Variants in LIMA1 observed in about 807,000 individuals in gnomAD.
LIMA1 encodes the protein LIM domain and actin binding 1.
LIMA1 carries 52 observed loss-of-function variants against 62.6 expected under a neutral mutation model. The ratio of observed to expected loss-of-function variants is 0.83; its 90% CI spans 0.67 to 1.05. LIMA1 has a LOEUF of 1.05. Among genes scored for constraint, LIMA1 ranks in the 50% least tolerant of loss-of-function variants. The pLI is 0.00. For synonymous variants in LIMA1, 302 were observed against 317.8 expected (o/e 0.95, Z 0.53); for missense variants, 780 against 902.2 (o/e 0.86, Z 1.74).
intron 2 of LIMA1, among the ~76,000 whole-genome samples, chr12:50,240,415 G>T (rs1375234638): frequency 6.6e-6 from 1 of 152,188 alleles, no homozygotes; most frequent in Non-Finnish European, 1.5e-5. Context: ...GACTGGAGGG[G>T]CTGAGAATGG....
chr12:50,279,010 CTTTT>C (rs35710007), intron 1 of LIMA1, among the ~76,000 whole-genome samples: 1 of 137,614 alleles, frequency 7.3e-6, no homozygotes. Context: ...CTTTTCTTTT[CTTTT>C]TTTTTTTTTG....
chr12:50,182,663 G>A (rs1940531238), intron 9 of LIMA1, among the ~76,000 whole-genome samples: 1 of 152,166 alleles, frequency 6.6e-6, no homozygotes, highest in South Asian at 2.1e-4. Flanking sequence ...GGGAAGCATA[G>A]CCCATTAAAG....
intron 2 of LIMA1, 152 bp from the exon 3 acceptor site, chr12:50,231,862 G>A (rs1031562651): frequency 1.2e-5 from 8 of 674,784 alleles, no homozygotes; most frequent in Non-Finnish European, 2.0e-5. Flanking sequence ...CTACCTCCCG[G>A]GTTCGAGTGA....
chr12:50,209,128 G>T (rs531515657), intron 4 of LIMA1, among the ~76,000 whole-genome samples: 156 of 151,248 alleles, frequency 1.0e-3, no homozygotes, highest in South Asian at 3.4e-3. Context: ...CGGCCTGATT[G>T]GGTCTATTTT....
rs371709491 is a variant in LIMA1 at position 50,179,181 on chromosome 12, C to T, written c.1275-1112G>A. ...TTGTTTTGTTAGAGTCTCGCTCTGT[C>T]GCCAGGCTGGAGTGCAGTGGCATGA... On this transcript the variant is annotated intron_variant, in intron 10 of 10. Transcript: ENST00000341247. 3.7e-4 allele frequency among the ~76,000 whole-genome samples: 56 copies of T among 150,560 alleles called. No homozygotes were observed. The South Asian group carries it at 9.5e-3, about 26-fold the overall frequency.
intron 2 of LIMA1, among the ~76,000 whole-genome samples, chr12:50,242,547 G>C (rs1941793072): frequency 6.6e-6 from 1 of 152,108 alleles, no homozygotes; most frequent in African/African-American, 2.4e-5. Context: ...ATAAGGTAGA[G>C]GCATGCTGGC....
chr12:50,242,032 T>C (rs566753986), intron 2 of LIMA1, among the ~76,000 whole-genome samples: 1 of 130,208 alleles, frequency 7.7e-6, no homozygotes, highest in East Asian at 2.6e-4. Context: ...TCACTAATGC[T>C]CAGCTGTGGG....
Position 50,204,572 on chromosome 12 carries a change from T to G in LIMA1, c.844A>C (p.Ser282Arg). Residue 282 changes from serine (S) to arginine (R), a missense_variant, in exon 6 of 11, where the codon AGC becomes CGC. Ser to Arg is a moderately radical substitution (Grantham distance 110). Transcript: ENST00000341247. Reference protein sequence around the residue: ...AKYQAAVSKQSSSTNYTNELK... With the variant: ...AKYQAAVSKQRSSTNYTNELK... ...CATACTGTATAGTTGGTTGAGCTGC[T>G]TTGTTTGGACACAGCTGCCTGGTAC... 1 of 1,614,154 alleles carries G rather than the reference T, an allele frequency of 6.2e-7. No homozygotes were observed. Among genetic ancestry groups the G allele is most frequent in the Non-Finnish European group, 8.5e-7 (1 of 1,180,024 alleles).
At position 50,222,588 on chromosome 12, in the gene LIMA1, T is replaced by G. The variant is rs555720543; in HGVS notation, c.166-103A>C. 6 of 1,559,758 alleles carry G rather than the reference T, an allele frequency of 3.8e-6. No homozygotes were observed. The Admixed American group carries it at 1.1e-4, about 30-fold the overall frequency. The stretch of plus-strand genomic sequence containing the variant: ...AGTTAAAACTCCAAGCTGCTCCTGG[T>G]CCACTGCTGTTTCAGACAGCTGTGA... On this transcript the variant is annotated intron_variant, in intron 3 of 10. Coordinates refer to ENST00000341247, the MANE Select transcript of LIMA1 (RefSeq NM_016357.5).
At chr12:50,249,102 C>T (rs1263558796) in intron 1 of LIMA1, among the ~76,000 whole-genome samples, 2 of 152,146 alleles carry the variant, frequency 1.3e-5, no homozygotes, top group East Asian at 3.8e-4. Context: ...GAATTACATC[C>T]CAGGGGAGGT....
intron 4 of LIMA1, among the ~76,000 whole-genome samples, chr12:50,211,892 C>G (rs925073305): frequency 2.6e-5 from 4 of 152,054 alleles, no homozygotes; most frequent in Non-Finnish European, 4.4e-5. Flanking sequence ...CTTGAGGGAG[C>G]CTTAATCATT....
At chr12:50,266,615 G>A (rs1285521737) in intron 1 of LIMA1, among the ~76,000 whole-genome samples, 5 of 152,194 alleles carry the variant, frequency 3.3e-5, no homozygotes, top group African/African-American at 4.8e-5. Flanking sequence ...CCTACCTGGG[G>A]CGGGGTGCAT....
intron 1 of LIMA1, among the ~76,000 whole-genome samples, chr12:50,266,456 GATCT>G (rs1311816115): frequency 6.6e-6 from 1 of 152,280 alleles, no homozygotes; most frequent in East Asian, 1.9e-4. Flanking sequence ...AGGGCATACA[GATCT>G]ATCTCAATCT....
chr12:50,235,265 T>A (rs1941674884), intron 2 of LIMA1, among the ~76,000 whole-genome samples: 1 of 145,328 alleles, frequency 6.9e-6, no homozygotes, highest in Non-Finnish European at 1.5e-5. Flanking sequence ...GGTCTTCCAA[T>A]CCTATCACTT....
At chr12:50,239,828 T>TC (rs1941747304) in intron 2 of LIMA1, among the ~76,000 whole-genome samples, 1 of 151,294 alleles carries the variant, frequency 6.6e-6, no homozygotes, top group African/African-American at 2.4e-5. Context: ...AGACCCCATC[T>TC]CTTAAAAAAA....
chr12:50,262,264 A>G (rs979041283), intron 1 of LIMA1, among the ~76,000 whole-genome samples: 2 of 152,322 alleles, frequency 1.3e-5, no homozygotes, highest in African/African-American at 2.4e-5. Context: ...TGAGAAATAA[A>G]GGGGGAAAAA....
intron 4 of LIMA1, among the ~76,000 whole-genome samples, chr12:50,214,792 C>G (rs1286349251): frequency 1.3e-5 from 2 of 152,074 alleles, no homozygotes; most frequent in African/African-American, 4.8e-5. Context: ...GGCGACAGAG[C>G]AAACAAACAA....
chr12:50,195,409 A>T (rs1940906622), intron 8 of LIMA1, among the ~76,000 whole-genome samples: 1 of 152,184 alleles, frequency 6.6e-6, no homozygotes, highest in South Asian at 2.1e-4. Context: ...ATTTAGATAA[A>T]CAGGGAAAAA....
chr12:50,255,500 C>T (rs529497191), intron 1 of LIMA1, among the ~76,000 whole-genome samples: 2 of 148,608 alleles, frequency 1.3e-5, no homozygotes, highest in African/African-American at 5.0e-5. Flanking sequence ...TTGCAGTGAG[C>T]CGTGATCACA....
Sources: gnomAD v4.1 joint callset for allele counts (sites outside exome capture counted in the v4.1 genomes callset) on GRCh38, gnomAD v4.1.1 for gene constraint, MANE v1.5 for transcripts, NCBI Gene and HGNC (gene_info 2026-07-23, HGNC 2026-07-21) for gene names.